ROBO2: variants seen among roughly 807,000 people sequenced by gnomAD.
The protein encoded by ROBO2 is roundabout guidance receptor 2.
Under a neutral mutation model 160.8 loss-of-function variants are expected in ROBO2, and 53 were observed. The observed-to-expected ratio is 0.33, with a 90% CI of 0.26 to 0.41. ROBO2 has a LOEUF of 0.41. Among genes scored for constraint, ROBO2 ranks in the 10% least tolerant of loss-of-function variants. ROBO2 has a pLI of 1.00. For synonymous variants in ROBO2, 664 were observed against 611.7 expected (o/e 1.09, Z -1.26); for missense variants, 1,577 against 1,722.4 (o/e 0.92, Z 1.49).
At chr3:76,215,112 G>C (rs1703417610) in intron 2 of ROBO2, among the ~76,000 whole-genome samples, 2 of 152,204 alleles carry the variant, frequency 1.3e-5, no homozygotes, top group South Asian at 4.1e-4. Context: ...TTGACTGTTA[G>C]AAGGAAAACT....
At chr3:76,862,487 G>C (rs1293894066) in intron 2 of ROBO2, among the ~76,000 whole-genome samples, 1 of 152,124 alleles carries the variant, frequency 6.6e-6, no homozygotes, top group Non-Finnish European at 1.5e-5. Flanking sequence ...TTTTATGCAA[G>C]GTTTAATGAA....
At chr3:77,381,342 G>A (rs868078392) in intron 2 of ROBO2, among the ~76,000 whole-genome samples, 13 of 151,856 alleles carry the variant, frequency 8.6e-5, no homozygotes, top group South Asian at 6.2e-4. Context: ...AACAAAGACA[G>A]GATTCTTACA....
At chr3:77,630,660 A>T (rs2095141372) in intron 23 of ROBO2, 2 of 152,124 alleles carry the variant, frequency 1.3e-5, no homozygotes, top group African/African-American at 4.8e-5. Flanking sequence ...TAAGGCTTTA[A>T]ACAGAGGAAC....
chr3:77,158,829 A>G (rs1249348440), intron 2 of ROBO2, among the ~76,000 whole-genome samples: 1 of 152,070 alleles, frequency 6.6e-6, no homozygotes, highest in Non-Finnish European at 1.5e-5. Flanking sequence ...CACTGAAGAG[A>G]ATGGGAACTG....
rs538068599 is a variant in ROBO2 at position 76,057,916 on chromosome 3, A to C, written c.109+120314A>C. Among the ~76,000 whole-genome samples the C allele has an allele frequency of 2.1e-4, 32 of 152,330 alleles. No individual in the cohort carries two copies. The South Asian group carries it at 3.9e-3, about 19-fold the overall frequency. On this transcript the variant is annotated intron_variant, in intron 2 of 26. Coordinates refer to the ROBO2 transcript ENST00000487694. ...GGAATGACAGATTTAACAGCAAAGCATAAATGTAGATAGGTAGTTAAAAAT... is the reference window on the plus strand; with the variant it reads ...GGAATGACAGATTTAACAGCAAAGCCTAAATGTAGATAGGTAGTTAAAAAT...
At chr3:76,850,907 T>G (rs992066678) in intron 2 of ROBO2, among the ~76,000 whole-genome samples, 5 of 152,198 alleles carry the variant, frequency 3.3e-5, no homozygotes, top group African/African-American at 1.2e-4. Flanking sequence ...CAAGAACACT[T>G]GCCTTCCCTG....
intron 2 of ROBO2, among the ~76,000 whole-genome samples, chr3:76,386,854 C>T (rs1380609727): frequency 6.6e-6 from 1 of 151,982 alleles, no homozygotes; most frequent in African/African-American, 2.4e-5. Context: ...AAGCCTTGGC[C>T]CCTGCACTCA....
chr3:76,493,903 A>G (rs2079990540), intron 2 of ROBO2, among the ~76,000 whole-genome samples: 1 of 152,312 alleles, frequency 6.6e-6, no homozygotes, highest in Admixed American at 6.5e-5. Flanking sequence ...TTGTTCCACA[A>G]ATGAATGCAT....
At chr3:76,667,426 C>T (rs548808526) in intron 2 of ROBO2, among the ~76,000 whole-genome samples, 51 of 152,120 alleles carry the variant, frequency 3.4e-4, no homozygotes, top group African/African-American at 1.0e-3. Flanking sequence ...AATGTAGAGA[C>T]GGTTTAGGCT....
intron 2 of ROBO2, among the ~76,000 whole-genome samples, chr3:77,460,820 A>G (rs1214841772): frequency 1.3e-5 from 2 of 152,182 alleles, no homozygotes; most frequent in African/African-American, 2.4e-5. Context: ...TCTGCATTGG[A>G]GATAATAGCT....
intron 2 of ROBO2, among the ~76,000 whole-genome samples, chr3:76,387,732 G>A (rs2076960565): frequency 6.6e-6 from 1 of 152,174 alleles, no homozygotes; most frequent in East Asian, 1.9e-4. Context: ...AAAGCCAGGA[G>A]AGTGATTAGA....
At chr3:76,677,943 GAGAA>G in intron 2 of ROBO2, among the ~76,000 whole-genome samples, 1 of 113,010 alleles carries the variant, frequency 8.8e-6, no homozygotes, top group African/African-American at 3.3e-5. Flanking sequence ...TTCTCTCACA[GAGAA>G]AGAAAATATG....
intron 5 of ROBO2, among the ~76,000 whole-genome samples, chr3:77,507,657 T>C (rs917094369): frequency 7.9e-5 from 12 of 152,176 alleles, no homozygotes; most frequent in Non-Finnish European, 5.9e-5. Flanking sequence ...AATAATGCAA[T>C]TTCTAGTCCT....
intron 2 of ROBO2, among the ~76,000 whole-genome samples, chr3:76,232,808 T>G (rs1204084030): frequency 6.6e-6 from 1 of 152,176 alleles, no homozygotes; most frequent in Non-Finnish European, 1.5e-5. Context: ...AACTCTTTTA[T>G]AACTATTTCA....
chr3:77,329,726 G>A (rs2065795281), intron 2 of ROBO2, among the ~76,000 whole-genome samples: 1 of 152,130 alleles, frequency 6.6e-6, no homozygotes, highest in Non-Finnish European at 1.5e-5. Context: ...CATCCAATTT[G>A]TACAGTCAGT....
chr3:77,418,912 A>G (rs1187522174), intron 2 of ROBO2, among the ~76,000 whole-genome samples: 1 of 152,126 alleles, frequency 6.6e-6, no homozygotes, highest in Non-Finnish European at 1.5e-5. Flanking sequence ...GATGGTTGCA[A>G]TCAGGAGAAA....
At chr3:77,091,097 G>T (rs1027442870) in intron 1 of ROBO2, among the ~76,000 whole-genome samples, 3 of 152,160 alleles carry the variant, frequency 2.0e-5, no homozygotes, top group African/African-American at 7.2e-5. Context: ...TGCTTGGCTT[G>T]TGGAGGGACT....
chr3:76,760,345 T>G (rs2108361270), intron 2 of ROBO2, among the ~76,000 whole-genome samples: 1 of 151,854 alleles, frequency 6.6e-6, no homozygotes, highest in South Asian at 2.1e-4. Flanking sequence ...GCTGGCAAAC[T>G]TTAGCCTCTG....
Position 77,091,912 on chromosome 3 carries a change from G to A in ROBO2, c.62-6102G>A, listed in dbSNP as rs1041543120. ...CGAGAATCGCTTCAACCTGGGAGACGGAGGTTGCAGTGAGCCAAGATCATA... is the reference window on the plus strand; with the variant it reads ...CGAGAATCGCTTCAACCTGGGAGACAGAGGTTGCAGTGAGCCAAGATCATA... On this transcript the variant is annotated intron_variant, in intron 1 of 25. Transcript: ENST00000461745. The A allele has an allele frequency of 2.0e-5, 3 of 151,750 alleles. No individual in the cohort carries two copies. The South Asian group carries it at 6.2e-4, about 32-fold the overall frequency. 9.4% of individuals were successfully genotyped at this position (151,750 alleles called of 1,614,324 possible). A position where few individuals can be genotyped will look rare whatever the true frequency, so the allele number is the denominator to read the frequency against.
Sources: gnomAD v4.1 joint callset for allele counts (sites outside exome capture counted in the v4.1 genomes callset) on GRCh38, gnomAD v4.1.1 for gene constraint, MANE v1.5 for transcripts, NCBI Gene and HGNC (gene_info 2026-07-23, HGNC 2026-07-21) for gene names.